The following SSUH2 variants were observed in gnomAD, a reference collection of about 807,000 sequenced individuals.
The protein encoded by SSUH2 is ssu-2 homolog.
Under a neutral mutation model 55.3 loss-of-function variants are expected in SSUH2, and 47 were observed. That is an observed-to-expected ratio of 0.85 (90% confidence interval 0.67 to 1.08). The LOEUF (loss-of-function observed/expected upper bound fraction) is 1.08. Among genes scored for constraint, SSUH2 ranks in the 50% least tolerant of loss-of-function variants. The pLI, the probability that SSUH2 is intolerant of heterozygous loss-of-function variation, is 0.00. For synonymous variants in SSUH2, 212 were observed against 191.5 expected, an observed-to-expected ratio of 1.11 and a Z score of -0.89; for missense variants, 535 against 490.7, an observed-to-expected ratio of 1.09 and a Z score of -0.85.
At chr3:8,659,644 A>T in intron 6 of SSUH2, 1 of 384,010 alleles carries the variant, frequency 2.6e-6, no homozygotes, top group South Asian at 2.0e-5. Flanking sequence ...GTGTCTGCTC[A>T]CATCAGTCCC....
chr3:8,673,948 C>T (rs1704913823), intron 3 of SSUH2, among the ~76,000 whole-genome samples: 1 of 152,068 alleles, frequency 6.6e-6, no homozygotes. Context: ...TGTATACTCC[C>T]CTTGATCCCG....
rs539895335 is a variant in SSUH2 at position 8,665,590 on chromosome 3, G to A, written c.-454-1788C>T. Among the ~76,000 whole-genome samples, 52 of 152,240 alleles carry A rather than the reference G, an allele frequency of 3.4e-4. No homozygotes were observed. The South Asian group carries it at 0.011, about 31-fold the overall frequency. On this transcript the variant is annotated intron_variant, in intron 5 of 18. Transcript: ENST00000317371. Reference sequence around the variant, plus strand: ...TTCAATGAATGTCATTGTAGGGAAAGACCACAGAGGTCACTAAGGGAGCCC... The same window carrying A: ...TTCAATGAATGTCATTGTAGGGAAAAACCACAGAGGTCACTAAGGGAGCCC...
intron 6 of SSUH2, among the ~76,000 whole-genome samples, chr3:8,663,585 C>T (rs1295145420): frequency 6.6e-6 from 1 of 152,158 alleles, no homozygotes; most frequent in African/African-American, 2.4e-5. Context: ...GGGTGTCTGG[C>T]TGGGTGTGAT....
intron 6 of SSUH2, among the ~76,000 whole-genome samples, chr3:8,661,905 T>C (rs1316335101): frequency 2.0e-5 from 3 of 152,180 alleles, no homozygotes; most frequent in Non-Finnish European, 4.4e-5. Flanking sequence ...CTCATATTTT[T>C]CTTGTGGTAG....
intron 2 of SSUH2, 137 bp downstream of exon 2, chr3:8,635,622 G>A (rs1699793908): frequency 1.2e-6 from 1 of 866,342 alleles, no homozygotes; most frequent in South Asian, 1.8e-5. Context: ...CTTTCCACCT[G>A]CCCAAGATGA....
At chr3:8,633,142 C>CTTTTTT (rs139752594) in intron 4 of SSUH2, among the ~76,000 whole-genome samples, 2 of 119,882 alleles carry the variant, frequency 1.7e-5, no homozygotes, top group African/African-American at 3.1e-5. Flanking sequence ...TTGATGACGC[C>CTTTTTT]TTTTTTTTTT....
At chr3:8,634,623 C>G (rs1699587230) in intron 3 of SSUH2, 3 of 1,275,536 alleles carry the variant, frequency 2.4e-6, no homozygotes, top group Non-Finnish European at 3.1e-6. Context: ...AGAGATGACT[C>G]CCCGGAGGAA....
At chr3:8,669,412 A>G (rs12490191) in intron 5 of SSUH2, among the ~76,000 whole-genome samples, 74,692 of 152,102 alleles carry the variant, frequency 0.49, 19,015 homozygotes, top group East Asian at 0.61. Context: ...CAGAATAAGG[A>G]AAGTAGACAA....
chr3:8,620,736 T>TG (rs138001065), intron 11 of SSUH2, among the ~76,000 whole-genome samples: 2,608 of 152,290 alleles, frequency 0.017, 85 homozygotes, highest in African/African-American at 0.06. Flanking sequence ...GATGGAGTGC[T>TG]GGGGGGCAGT....
intron 1 of SSUH2, among the ~76,000 whole-genome samples, chr3:8,640,830 T>C (rs1340373750): frequency 6.6e-6 from 1 of 152,252 alleles, no homozygotes; most frequent in Non-Finnish European, 1.5e-5. Flanking sequence ...TAGGCCACCC[T>C]GGGTTGCCAA....
rs756201536 is a variant in SSUH2 at position 8,633,856 on chromosome 3, C to T, written c.210-61G>A. The T allele has an allele frequency of 1.9e-6, 3 of 1,613,346 alleles. No individual in the cohort carries two copies. The highest frequency in any genetic ancestry group is 2.7e-5 in the African/African-American group (2 of 74,926). The stretch of plus-strand genomic sequence containing the variant: ...GGAAGGGCCTGTGGACTCACGCGGG[C>T]CAGCCAGCCTCCTCAACGTGCAGGC... On this transcript the variant is annotated intron_variant, in intron 3 of 11. Transcript: ENST00000544814.
rs1198669359 is a variant in SSUH2 at position 8,626,231 on chromosome 3, CAT to C, written c.763_764del (p.Met255ValfsTer7). 3 of 1,613,640 alleles carry C rather than the reference CAT, an allele frequency of 1.9e-6. No homozygotes were observed. The African/African-American group carries it at 4.0e-5, about 22-fold the overall frequency. On this transcript the variant is annotated frameshift_variant, in exon 9 of 12. Coordinates refer to ENST00000544814, the MANE Select transcript of SSUH2 (RefSeq NM_001256748.3). LOFTEE classifies it high-confidence loss of function. The stretch of plus-strand genomic sequence containing the variant: ...AGCATTGAGACACTGCCACATACCA[CAT>C]GATGACAAGCTGGATGAAGTGCAAC... ...KLLHFIQLVI[M>X]WKNSLFEFVS...
chr3:8,634,350 C>A (rs550942003), intron 3 of SSUH2: 16 of 1,276,846 alleles, frequency 1.3e-5, no homozygotes, highest in East Asian at 1.1e-4. Flanking sequence ...CTGCATGCCT[C>A]CCCCTCCTCC....
Position 8,634,007 on chromosome 3 carries a change from C to T in SSUH2, c.210-212G>A, listed in dbSNP as rs566853375. On this transcript the variant is annotated intron_variant, in intron 3 of 11. Coordinates refer to ENST00000544814, the MANE Select transcript of SSUH2 (RefSeq NM_001256748.3). Reference sequence around the variant, plus strand: ...CGGGGCAGGTTTTCCTAGAGAACAGCCAAAAACACTTTAGTTGAAATGTGG... The same window carrying T: ...CGGGGCAGGTTTTCCTAGAGAACAGTCAAAAACACTTTAGTTGAAATGTGG... The T allele has an allele frequency of 2.0e-6, 3 of 1,526,312 alleles. No individual in the cohort carries two copies. In the African/African-American group the frequency reaches 4.2e-5, roughly 21 times the overall value. 94.5% of individuals were successfully genotyped at this position (1,526,312 alleles called of 1,614,324 possible). A position where few individuals can be genotyped will look rare whatever the true frequency, so the allele number is the denominator to read the frequency against.
rs759157559 is a variant in SSUH2, at chr3:8,680,116, T to A, written c.-1045-267A>T. 6.9e-4 allele frequency among the ~76,000 whole-genome samples: 105 copies of A among 152,290 alleles called. 1 individual carries two copies. Among genetic ancestry groups the A allele is most frequent in the African/African-American group, 1.9e-3 (79 of 41,570 alleles). The stretch of plus-strand genomic sequence containing the variant: ...GAGAGAGAAAAGATGGCAGCTGGAC[T>A]TTTAACCCAAACTGTGGGACCCTGG... On this transcript the variant is annotated intron_variant, in intron 1 of 18. Transcript: ENST00000317371.
In SSUH2 at chr3:8,620,595, C is replaced by T. The variant is rs1696217840; in HGVS notation, c.982-581G>A. Among the ~76,000 whole-genome samples the T allele has an allele frequency of 2.0e-5, 3 of 152,224 alleles. No homozygotes were observed. In the South Asian group the frequency reaches 6.2e-4, roughly 32 times the overall value. On this transcript the variant is annotated intron_variant, in intron 11 of 11. Coordinates refer to ENST00000544814, the MANE Select transcript of SSUH2 (RefSeq NM_001256748.3). The stretch of plus-strand genomic sequence containing the variant: ...CACGCACCCTAAGCTCTGGCCAAAA[C>T]CGACTTCTCATCTTTAGCTACCATT...
At chr3:8,665,846 G>A (rs1703943176) in intron 5 of SSUH2, among the ~76,000 whole-genome samples, 1 of 151,990 alleles carries the variant, frequency 6.6e-6, no homozygotes, top group Admixed American at 6.6e-5. Context: ...CCTCTTTCCT[G>A]GTCAAAGTGG....
At chr3:8,627,402 C>T (rs1478362443) in intron 8 of SSUH2, 7 of 322,420 alleles carry the variant, frequency 2.2e-5, no homozygotes, top group Admixed American at 9.9e-5. Context: ...AACCCGTGGG[C>T]GGGAGAGGTC....
intron 5 of SSUH2, among the ~76,000 whole-genome samples, chr3:8,664,487 C>A (rs1315757330): frequency 1.3e-5 from 2 of 152,168 alleles, no homozygotes; most frequent in East Asian, 1.9e-4. Context: ...TTTTTTTTTA[C>A]CACATTTATG....
Sources: allele counts gnomAD v4.1 joint callset (sites outside exome capture counted in the v4.1 genomes callset), GRCh38; gene constraint gnomAD v4.1.1; transcripts MANE v1.5; gene names NCBI Gene and HGNC (gene_info 2026-07-23, HGNC 2026-07-21).